GNB1L: variants seen among roughly 807,000 people sequenced by gnomAD.
The protein encoded by GNB1L is guanine nucleotide-binding protein subunit beta-like protein 1.
A neutral mutation model predicts 29.1 loss-of-function variants in GNB1L; 20 were observed. The ratio of observed to expected loss-of-function variants is 0.69; its 90% confidence interval spans 0.48 to 1.00. The LOEUF is 1.00. Ranked by LOEUF, GNB1L falls within the 50% of genes least tolerant of loss-of-function variation. The pLI is 0.00. For missense variants in GNB1L, 421 were observed against 464.9 expected (o/e 0.91, Z 0.87); for synonymous variants, 193 against 206.5 (o/e 0.93, Z 0.56).
chr22:19,798,744 AC>A (rs1937335201), intron 7 of GNB1L, among the ~76,000 whole-genome samples: 1 of 152,082 alleles, frequency 6.6e-6, no homozygotes, highest in African/African-American at 2.4e-5. Flanking sequence ...GGTAAAGAAA[AC>A]CAGGTTCAAG....
At chr22:19,831,462 C>T (rs147416326) in intron 2 of GNB1L, among the ~76,000 whole-genome samples, 505 of 150,814 alleles carry the variant, frequency 3.3e-3, no homozygotes, top group African/African-American at 0.011. Flanking sequence ...GAGGCTGAGG[C>T]GGGAGGATCA....
intron 7 of GNB1L, among the ~76,000 whole-genome samples, chr22:19,795,024 C>T (rs1937291185): frequency 6.6e-6 from 1 of 152,022 alleles, no homozygotes; most frequent in Non-Finnish European, 1.5e-5. Flanking sequence ...ATAAAAGATG[C>T]TTTTTAAATA....
At chr22:19,832,930 T>G (rs1937704011) in intron 2 of GNB1L, among the ~76,000 whole-genome samples, 1 of 152,184 alleles carries the variant, frequency 6.6e-6, no homozygotes, top group Non-Finnish European at 1.5e-5. Context: ...GTGGCTGATG[T>G]GCGAGACAGA....
intron 2 of GNB1L, chr22:19,847,556 G>C: frequency 8.1e-6 from 8 of 985,298 alleles, no homozygotes; most frequent in Non-Finnish European, 9.6e-6. Flanking sequence ...AGCTCATGCG[G>C]GGAGGGGAGG....
At chr22:19,796,013 A>G (rs1937302356) in intron 7 of GNB1L, among the ~76,000 whole-genome samples, 1 of 152,222 alleles carries the variant, frequency 6.6e-6, no homozygotes, top group African/African-American at 2.4e-5. Flanking sequence ...TGGCTCCATA[A>G]GAGATGTGTC....
Position 19,788,492 on chromosome 22 carries a change from G to A in GNB1L, c.*217C>T, listed in dbSNP as rs534334792. On this transcript the variant is annotated 3_prime_UTR_variant, in exon 8 of 8. Transcript: ENST00000329517. Reference sequence around the variant, plus strand: ...CAAGCCAACGTCTCCTGCAGGCCTCGGACGGCCAGGGCTCTGGCTGGCCCC... The same window carrying A: ...CAAGCCAACGTCTCCTGCAGGCCTCAGACGGCCAGGGCTCTGGCTGGCCCC... 9 of 666,312 alleles carry A rather than the reference G, an allele frequency of 1.4e-5. No individual in the cohort carries two copies. The highest frequency in any genetic ancestry group is 3.6e-5 in the African/African-American group (2 of 55,852). The allele number at this position is 666,312 out of a possible 1,614,324, so 41.3% of individuals were successfully genotyped here. A position where few individuals can be genotyped will look rare whatever the true frequency, so the allele number is the denominator to read the frequency against.
chr22:19,809,726 G>A (rs532358626), intron 5 of GNB1L, among the ~76,000 whole-genome samples: 5 of 152,296 alleles, frequency 3.3e-5, no homozygotes, highest in African/African-American at 7.2e-5. Context: ...TGCACGCCCC[G>A]GGAGGGGATA....
intron 2 of GNB1L, chr22:19,847,489 A>G: frequency 1.0e-6 from 1 of 985,288 alleles, no homozygotes. Context: ...AACCCTTCTA[A>G]CCACCCCATG....
chr22:19,848,341 C>T lies in GNB1L; in HGVS notation c.-21+6102G>A, dbSNP rs997862252. The T allele has an allele frequency of 6.1e-6, 6 of 985,350 alleles. No individual in the cohort carries two copies. In the African/African-American group the frequency reaches 8.7e-5, roughly 14 times the overall value. 61.0% of individuals were successfully genotyped at this position (985,350 alleles called of 1,614,324 possible). On this transcript the variant is annotated intron_variant, in intron 2 of 7. Coordinates refer to ENST00000329517, the MANE Select transcript of GNB1L (RefSeq NM_053004.3). ...GGCTCTGCAGCTCCTGAGCACCCTGCCTTCGGGTCTGCCAGTGTGTGGGGG... is the reference window on the plus strand; with the variant it reads ...GGCTCTGCAGCTCCTGAGCACCCTGTCTTCGGGTCTGCCAGTGTGTGGGGG...
At chr22:19,836,301 G>A (rs1466047364) in intron 2 of GNB1L, among the ~76,000 whole-genome samples, 4 of 152,134 alleles carry the variant, frequency 2.6e-5, no homozygotes, top group African/African-American at 9.7e-5. Context: ...TAGCTGAAAT[G>A]AAAGTTGGAA....
chr22:19,803,477 C>T (rs953161003), intron 6 of GNB1L, among the ~76,000 whole-genome samples: 1 of 152,174 alleles, frequency 6.6e-6, no homozygotes, highest in African/African-American at 2.4e-5. Context: ...TACTCAGCCC[C>T]CTGCCCCTCC....
rs1445519984 is a variant in GNB1L at position 19,846,584 on chromosome 22, A to G, written c.-21+7859T>C. ...TATCGCGGGCACCGCTGTGGGCAGA[A>G]CTATGTCCCTTCAATATTTTTATGT... On this transcript the variant is annotated intron_variant, in intron 2 of 7. Transcript: ENST00000329517. The G allele has an allele frequency of 4.1e-6, 4 of 983,742 alleles. No homozygotes were observed. The African/African-American group carries it at 7.0e-5, about 17-fold the overall frequency. 60.9% of individuals were successfully genotyped at this position (983,742 alleles called of 1,614,324 possible).
intron 2 of GNB1L, chr22:19,847,387 G>A (rs997259026): frequency 2.0e-6 from 2 of 985,304 alleles, no homozygotes; most frequent in East Asian, 1.1e-4. Context: ...GGCTTTTCCA[G>A]TTCTGCTGTT....
chr22:19,831,676 G>T (rs1226552043), intron 2 of GNB1L, among the ~76,000 whole-genome samples: 4 of 151,292 alleles, frequency 2.6e-5, no homozygotes, highest in African/African-American at 9.7e-5. Flanking sequence ...GGGCGACAGA[G>T]TGAGACTCTG....
chr22:19,851,550 T>C (rs1243389659), intron 2 of GNB1L: 26 of 1,613,216 alleles, frequency 1.6e-5, no homozygotes, highest in East Asian at 2.2e-5. Flanking sequence ...GGGGTGGCCA[T>C]GGCGGCTGGT....
chr22:19,827,303 T>C (rs531944920), intron 2 of GNB1L, among the ~76,000 whole-genome samples: 1 of 152,298 alleles, frequency 6.6e-6, no homozygotes, highest in South Asian at 2.1e-4. Context: ...TATGTATGAA[T>C]ATATAGGCAG....
Position 19,786,316 on chromosome 22 carries a change from G to A in GNB1L, c.*2393C>T, listed in dbSNP as rs1218585414. The stretch of plus-strand genomic sequence containing the variant: ...ACATGGCCTGGGGCAGGGAGCTCAA[G>A]GCCAGGCTAGGGGGCAGCCGCCTGC... On this transcript the variant is annotated 3_prime_UTR_variant, in exon 8 of 8. Transcript: ENST00000329517. The A allele has an allele frequency of 6.6e-6, 1 of 152,360 alleles. No individual in the cohort carries two copies. Among genetic ancestry groups the A allele is most frequent in the Non-Finnish European group, 1.5e-5 (1 of 68,132 alleles). 9.4% of individuals were successfully genotyped at this position (152,360 alleles called of 1,614,324 possible). A position where few individuals can be genotyped will look rare whatever the true frequency, so the allele number is the denominator to read the frequency against.
chr22:19,785,719 C>G lies in GNB1L; in HGVS notation c.*2990G>C, dbSNP rs1937186882. The stretch of plus-strand genomic sequence containing the variant: ...GCCACCCCTCCTCCCCACTTAATGC[C>G]TTCACTGCTGGCTCTGTTGGCGTTC... On this transcript the variant is annotated 3_prime_UTR_variant, in exon 8 of 8. Transcript: ENST00000329517. This position sits in a 1 kb window ranked among gnomAD's most constrained non-coding sequence, Gnocchi z 4.1. 1 of 152,324 alleles carries G rather than the reference C, an allele frequency of 6.6e-6. No homozygotes were observed. The highest frequency in any genetic ancestry group is 1.5e-5 in the Non-Finnish European group (1 of 68,072). The allele number at this position is 152,324 out of a possible 1,614,324, so 9.4% of individuals were successfully genotyped here. A position where few individuals can be genotyped will look rare whatever the true frequency, so the allele number is the denominator to read the frequency against.
In GNB1L at chr22:19,792,842, T is replaced by C. The variant is rs1937267283; in HGVS notation, c.733-3882A>G. 2.6e-5 allele frequency: 31 copies of C among 1,209,432 alleles called. No individual in the cohort carries two copies. The South Asian group carries it at 3.2e-4, about 12-fold the overall frequency. The allele number at this position is 1,209,432 out of a possible 1,614,324, so 74.9% of individuals were successfully genotyped here. A position where few individuals can be genotyped will look rare whatever the true frequency, so the allele number is the denominator to read the frequency against. On this transcript the variant is annotated intron_variant, in intron 7 of 7. Coordinates refer to ENST00000329517, the MANE Select transcript of GNB1L (RefSeq NM_053004.3). ...GTAAAATGGGGGTCCCTTACTGCAT[T>C]ATCAAGGGGAAGGCAAGACTGGGAC...
Sources: allele counts gnomAD v4.1 joint callset (sites outside exome capture counted in the v4.1 genomes callset), GRCh38; gene constraint gnomAD v4.1.1; non-coding constraint Gnocchi (gnomAD v3.1); transcripts MANE v1.5; gene names NCBI Gene and HGNC (gene_info 2026-07-23, HGNC 2026-07-21).